Variants in SYNPR observed in about 807,000 individuals in gnomAD.
SYNPR encodes synaptoporin.
A neutral mutation model predicts 32.9 loss-of-function variants in SYNPR; 23 were observed. The observed-to-expected ratio is 0.70, with a 90% CI of 0.50 to 0.99. The LOEUF is 0.99. Ranked by LOEUF, SYNPR falls within the 50% of genes least tolerant of loss-of-function variation. SYNPR has a pLI of 0.00. For synonymous variants in SYNPR, 146 were observed against 135.9 expected, an observed-to-expected ratio of 1.07 and a Z score of -0.52; for missense variants, 318 against 349.3, an observed-to-expected ratio of 0.91 and a Z score of 0.71.
rs188533475 is a variant in SYNPR at position 63,477,713 on chromosome 3, C to T, written c.85-3119C>T. 1.1e-3 allele frequency among the ~76,000 whole-genome samples: 166 copies of T among 152,006 alleles called. 1 individual carries two copies. The highest frequency in any genetic ancestry group is 3.5e-3 in the African/African-American group (144 of 41,474). ...TATTTCTGGGCACGAGCAAGCCGAG[C>T]CACGTGCTGGCTCCCCACTGTCCAT... is the stretch of plus-strand genomic sequence containing the variant. On this transcript the variant is annotated intron_variant, in intron 2 of 5. Transcript: ENST00000478300.
At chr3:63,484,427 T>C (rs1045006139) in intron 3 of SYNPR, among the ~76,000 whole-genome samples, 2 of 152,166 alleles carry the variant, frequency 1.3e-5, no homozygotes, top group Non-Finnish European at 2.9e-5. Flanking sequence ...AGGTATTTAA[T>C]ATATTTGTAG....
chr3:63,301,054 G>A (rs915815688), intron 2 of SYNPR, among the ~76,000 whole-genome samples: 2 of 152,126 alleles, frequency 1.3e-5, no homozygotes, highest in African/African-American at 4.8e-5. Context: ...AACTGGATTT[G>A]AAAATTCAGG....
intron 2 of SYNPR, among the ~76,000 whole-genome samples, chr3:63,339,671 T>G (rs2087338612): frequency 6.6e-6 from 1 of 152,058 alleles, no homozygotes; most frequent in African/African-American, 2.4e-5. Flanking sequence ...TCTTTTTTTT[T>G]TTTTGAGATG....
At chr3:63,221,786 G>C in the SYNPR span, among the ~76,000 whole-genome samples, 1 of 152,180 alleles carries the variant, frequency 6.6e-6, no homozygotes, top group Admixed American at 6.5e-5. Flanking sequence ...CCTCAGGAAA[G>C]TTTACCTTTT....
chr3:63,487,907 G>A (rs147990484), intron 3 of SYNPR, among the ~76,000 whole-genome samples: 1 of 152,300 alleles, frequency 6.6e-6, no homozygotes, highest in African/African-American at 2.4e-5. Context: ...AGGAAAGCCA[G>A]TGCTGCTCAG....
chr3:63,281,480 T>G (rs1260881565), intron 2 of SYNPR, among the ~76,000 whole-genome samples: 2 of 152,240 alleles, frequency 1.3e-5, no homozygotes, highest in Non-Finnish European at 2.9e-5. Context: ...CTCATAGTTC[T>G]GAATACTGGA....
At chr3:63,472,852 G>C (rs986610681) in intron 2 of SYNPR, among the ~76,000 whole-genome samples, 4 of 152,104 alleles carry the variant, frequency 2.6e-5, no homozygotes, top group Non-Finnish European at 5.9e-5. Context: ...ATTTCTGTAA[G>C]AGTCAGATAG....
chr3:63,344,929 C>T (rs934827439), intron 2 of SYNPR, among the ~76,000 whole-genome samples: 1 of 152,016 alleles, frequency 6.6e-6, no homozygotes, highest in African/African-American at 2.4e-5. Context: ...GGCCACCAGA[C>T]CAGATAAGCC....
intron 2 of SYNPR, among the ~76,000 whole-genome samples, chr3:63,449,479 G>A (rs1700340791): frequency 6.6e-6 from 1 of 152,108 alleles, no homozygotes; most frequent in African/African-American, 2.4e-5. Flanking sequence ...CAGCATCCCT[G>A]CCTTCTACCC....
At chr3:63,500,182 A>G (rs1701452839) in intron 3 of SYNPR, among the ~76,000 whole-genome samples, 1 of 152,176 alleles carries the variant, frequency 6.6e-6, no homozygotes. Context: ...TCGTTTGAGT[A>G]AAAACTCACT....
intron 2 of SYNPR, among the ~76,000 whole-genome samples, chr3:63,414,010 A>G (rs2088504107): frequency 6.7e-6 from 1 of 148,644 alleles, no homozygotes; most frequent in Non-Finnish European, 1.5e-5. Context: ...ATATATATAC[A>G]TATATATATA....
intron 2 of SYNPR, among the ~76,000 whole-genome samples, chr3:63,380,105 G>A (rs1322917665): frequency 6.6e-6 from 1 of 151,918 alleles, no homozygotes; most frequent in Non-Finnish European, 1.5e-5. Context: ...CATTTGGGTT[G>A]GTTCCAAGTC....
intron 2 of SYNPR, among the ~76,000 whole-genome samples, chr3:63,343,903 G>A (rs1248999987): frequency 2.0e-5 from 3 of 152,184 alleles, no homozygotes; most frequent in East Asian, 1.9e-4. Flanking sequence ...GTTGCAATTC[G>A]TATTCTCTGT....
At chr3:63,295,329 T>C (rs537872668) in intron 2 of SYNPR, among the ~76,000 whole-genome samples, 4 of 152,190 alleles carry the variant, frequency 2.6e-5, no homozygotes, top group Admixed American at 1.3e-4. Flanking sequence ...CATCATTATT[T>C]TCCCTCTTTT....
chr3:63,298,842 T>C (rs1033456560), intron 2 of SYNPR, among the ~76,000 whole-genome samples: 2 of 152,174 alleles, frequency 1.3e-5, no homozygotes, highest in African/African-American at 4.8e-5. Flanking sequence ...CATTGGGGAC[T>C]CTGGGACCGG....
At chr3:63,491,864 C>T (rs556080686) in intron 3 of SYNPR, among the ~76,000 whole-genome samples, 1 of 152,266 alleles carries the variant, frequency 6.6e-6, no homozygotes, top group East Asian at 1.9e-4. Flanking sequence ...TTACAAAATA[C>T]TATCCTCAAT....
chr3:63,463,367 T>A (rs1156652724), intron 2 of SYNPR, among the ~76,000 whole-genome samples: 1 of 152,090 alleles, frequency 6.6e-6, no homozygotes, highest in African/African-American at 2.4e-5. Context: ...AGGACCTGAT[T>A]TATGGTAAAT....
At chr3:63,456,587 A>C (rs1700486740) in intron 2 of SYNPR, among the ~76,000 whole-genome samples, 1 of 152,112 alleles carries the variant, frequency 6.6e-6, no homozygotes, top group Non-Finnish European at 1.5e-5. Context: ...CAAAGAAGGA[A>C]ACAGAAGACT....
chr3:63,587,712 T>G (rs1482373893), intron 4 of SYNPR, among the ~76,000 whole-genome samples: 2 of 152,128 alleles, frequency 1.3e-5, no homozygotes, highest in East Asian at 3.9e-4. Flanking sequence ...TTGTTTTGTT[T>G]TATTTTTTAA....
Sources: gnomAD v4.1 joint callset for allele counts (sites outside exome capture counted in the v4.1 genomes callset) on GRCh38, gnomAD v4.1.1 for gene constraint, MANE v1.5 for transcripts, NCBI Gene and HGNC (gene_info 2026-07-23, HGNC 2026-07-21) for gene names.